The following PLCB4 variants were observed in gnomAD, a reference collection of about 807,000 sequenced individuals.
The protein encoded by PLCB4 is 1-phosphatidylinositol 4,5-bisphosphate phosphodiesterase beta-4.
In PLCB4, 77 loss-of-function variants were observed where a neutral mutation model predicts 178.8. The ratio of observed to expected loss-of-function variants is 0.43; its 90% CI spans 0.36 to 0.52. PLCB4 has a LOEUF of 0.52. PLCB4 is among the 20% of genes least tolerant of loss of function. The pLI is 0.00. For synonymous variants in PLCB4, 496 were observed against 490.8 expected, an observed-to-expected ratio of 1.01 and a Z score of -0.14; for missense variants, 1,024 against 1,453.4, an observed-to-expected ratio of 0.70 and a Z score of 4.80.
chr20:9,363,061 C>A, intron 8 of PLCB4, 86 bp downstream of exon 8: 1 of 920,710 alleles, frequency 1.1e-6, no homozygotes, highest in Non-Finnish European at 1.8e-6. Flanking sequence ...TGGTTCCTTC[C>A]TCCAAATTCC....
At chr20:9,411,832 G>C (rs4402837) in intron 25 of PLCB4, among the ~76,000 whole-genome samples, 149,344 of 152,350 alleles carry the variant, frequency 0.98, 73,206 homozygotes, top group East Asian at 1. Context: ...CCAAAGGCCT[G>C]TAGAGGAATC....
intron 2 of PLCB4, among the ~76,000 whole-genome samples, chr20:9,190,147 G>A (rs2093382520): frequency 6.6e-6 from 1 of 152,130 alleles, no homozygotes; most frequent in African/African-American, 2.4e-5. Context: ...AACAAAGATG[G>A]GACCAGGGAA....
At chr20:9,465,069 A>G (rs2043674199) in intron 35 of PLCB4, among the ~76,000 whole-genome samples, 1 of 152,232 alleles carries the variant, frequency 6.6e-6, no homozygotes, top group African/African-American at 2.4e-5. Flanking sequence ...CCAGCAGCAC[A>G]TCAGAAAGCT....
At chr20:9,408,598 G>A (rs1040364068) in intron 22 of PLCB4, 35 bp from the exon 23 acceptor site, 4 of 1,043,896 alleles carry the variant, frequency 3.8e-6, no homozygotes, top group Admixed American at 3.5e-5. Context: ...TTTGATGGCA[G>A]AGTTCCTGAA....
intron 3 of PLCB4, among the ~76,000 whole-genome samples, chr20:9,270,133 G>A (rs999355012): frequency 3.9e-5 from 6 of 152,114 alleles, no homozygotes; most frequent in Non-Finnish European, 8.8e-5. Flanking sequence ...GTCTATGACA[G>A]CTTAAAGTAA....
intron 4 of PLCB4, among the ~76,000 whole-genome samples, chr20:9,308,762 A>T (rs1482065293): frequency 2.0e-5 from 3 of 152,174 alleles, no homozygotes; most frequent in African/African-American, 7.2e-5. Context: ...TGCAGGGTGC[A>T]TCTCTAGATT....
At chr20:9,139,878 G>A (rs1055827729) in intron 2 of PLCB4, among the ~76,000 whole-genome samples, 8 of 152,054 alleles carry the variant, frequency 5.3e-5, no homozygotes, top group Non-Finnish European at 7.4e-5. Context: ...AGTCACCTGT[G>A]GTTGACAGGG....
chr20:9,395,412 A>G, intron 18 of PLCB4, 111 bp from the exon 19 acceptor site: 1 of 725,346 alleles, frequency 1.4e-6, no homozygotes, highest in Non-Finnish European at 2.4e-6. Context: ...TGGTGCCTGA[A>G]CATTCTATTT....
intron 4 of PLCB4, among the ~76,000 whole-genome samples, chr20:9,319,744 T>C (rs2094938250): frequency 6.6e-6 from 1 of 152,196 alleles, no homozygotes; most frequent in Non-Finnish European, 1.5e-5. Flanking sequence ...CCCTCCTGTA[T>C]TCGGCAGATC....
intron 1 of PLCB4, among the ~76,000 whole-genome samples, chr20:9,071,497 A>G (rs1331493446): frequency 6.6e-6 from 1 of 152,198 alleles, no homozygotes; most frequent in East Asian, 1.9e-4. Context: ...TGATCACATT[A>G]GCATGCTAAT....
chr20:9,332,239 T>C (rs142113218), intron 4 of PLCB4, among the ~76,000 whole-genome samples: 301 of 152,230 alleles, frequency 2.0e-3, no homozygotes, highest in Non-Finnish European at 3.9e-3. Flanking sequence ...TTTCTGACAA[T>C]GGGACTTCAC....
At chr20:9,232,932 T>C (rs1324059991) in intron 3 of PLCB4, among the ~76,000 whole-genome samples, 2 of 152,132 alleles carry the variant, frequency 1.3e-5, no homozygotes, top group Non-Finnish European at 2.9e-5. Context: ...TTATTTGGGT[T>C]GAATGCTTGA....
At chr20:9,155,325 C>T (rs1174801278) in intron 2 of PLCB4, among the ~76,000 whole-genome samples, 2 of 151,918 alleles carry the variant, frequency 1.3e-5, no homozygotes. Context: ...GTATATGTAC[C>T]ACATTTTCTT....
At chr20:9,448,850 G>T (rs948632342) in intron 32 of PLCB4, among the ~76,000 whole-genome samples, 2 of 152,132 alleles carry the variant, frequency 1.3e-5, no homozygotes, top group South Asian at 2.1e-4. Flanking sequence ...TTCCAAACTT[G>T]CAGGTTAGCT....
chr20:9,128,055 T>C (rs1261231348), intron 2 of PLCB4, among the ~76,000 whole-genome samples: 1 of 152,136 alleles, frequency 6.6e-6, no homozygotes, highest in East Asian at 1.9e-4. Context: ...GTAATCCCCA[T>C]TGTTGGAGGT....
At chr20:9,115,288 G>A (rs949044524) in intron 2 of PLCB4, among the ~76,000 whole-genome samples, 1 of 151,966 alleles carries the variant, frequency 6.6e-6, no homozygotes, top group Non-Finnish European at 1.5e-5. Flanking sequence ...TAGAAACTGA[G>A]GTGGAATGTG....
At chr20:9,372,204 A>G (rs2036308029) in intron 10 of PLCB4, 99 bp from the exon 11 acceptor site, 1 of 668,076 alleles carries the variant, frequency 1.5e-6, no homozygotes, top group East Asian at 2.7e-5. Flanking sequence ...GAAGACCCTG[A>G]GTCCAAGTGG....
chr20:9,213,572 A>G (rs1276527713), intron 2 of PLCB4, among the ~76,000 whole-genome samples: 4 of 152,212 alleles, frequency 2.6e-5, no homozygotes, highest in Non-Finnish European at 5.9e-5. Context: ...CAGTTGATGG[A>G]CATTGGGATT....
At chr20:9,346,356 C>A (rs2033793443) in intron 7 of PLCB4, among the ~76,000 whole-genome samples, 1 of 152,162 alleles carries the variant, frequency 6.6e-6, no homozygotes, top group South Asian at 2.1e-4. Context: ...CTTGCAGAGG[C>A]CTTAAAGAAC....
Sources: gnomAD v4.1 joint callset for allele counts (sites outside exome capture counted in the v4.1 genomes callset) on GRCh38, gnomAD v4.1.1 for gene constraint, MANE v1.5 for transcripts, NCBI Gene and HGNC (gene_info 2026-07-23, HGNC 2026-07-21) for gene names.